The following PLCH1 variants were observed in gnomAD, a reference collection of about 807,000 sequenced individuals.
The protein encoded by PLCH1 is 1-phosphatidylinositol 4,5-bisphosphate phosphodiesterase eta-1.
In PLCH1, 60 loss-of-function variants were observed where a neutral mutation model predicts 126.7. The ratio of observed to expected loss-of-function variants is 0.47; its 90% CI spans 0.38 to 0.59. The LOEUF (loss-of-function observed/expected upper bound fraction) is 0.59. Ranked by LOEUF, PLCH1 falls within the 20% of genes least tolerant of loss-of-function variation. The pLI is 0.00. For missense variants in PLCH1, 1,723 were observed against 2,040.0 expected (o/e 0.84, Z 2.99); for synonymous variants, 719 against 734.9 (o/e 0.98, Z 0.35).
At chr3:155,525,146 C>T (rs1385311502) in intron 10 of PLCH1, among the ~76,000 whole-genome samples, 1 of 152,060 alleles carries the variant, frequency 6.6e-6, no homozygotes, top group Non-Finnish European at 1.5e-5. Flanking sequence ...ATAGTAAGAC[C>T]CCATTTCTAT....
chr3:155,721,903 C>T (rs138731195), intron 1 of PLCH1, among the ~76,000 whole-genome samples: 3,390 of 152,020 alleles, frequency 0.022, 112 homozygotes, highest in African/African-American at 0.079. Flanking sequence ...CAAAATTAGC[C>T]GGGCATGGTG....
chr3:155,614,298 C>T (rs1321425300), intron 2 of PLCH1, among the ~76,000 whole-genome samples: 1 of 151,948 alleles, frequency 6.6e-6, no homozygotes, highest in Non-Finnish European at 1.5e-5. Flanking sequence ...AAAAAAAATC[C>T]TAAAACTCAT....
At chr3:155,730,306 C>T (rs200391105) in intron 1 of PLCH1, among the ~76,000 whole-genome samples, 2 of 150,674 alleles carry the variant, frequency 1.3e-5, no homozygotes, top group East Asian at 3.9e-4. Flanking sequence ...TTTTTTGAGA[C>T]CGTCTTGCTC....
At chr3:155,615,884 CA>C (rs1240629954) in intron 2 of PLCH1, among the ~76,000 whole-genome samples, 2 of 151,998 alleles carry the variant, frequency 1.3e-5, no homozygotes, top group African/African-American at 2.4e-5. Context: ...CACATGTAAC[CA>C]AAAACCACCT....
At chr3:155,493,025 C>T (rs146487242) in intron 17 of PLCH1, among the ~76,000 whole-genome samples, 172 bp from the exon 18 acceptor site, 1 of 152,204 alleles carries the variant, frequency 6.6e-6, no homozygotes, top group Admixed American at 6.5e-5. Flanking sequence ...TTGCCAAAGG[C>T]CAGTGGAGTG....
chr3:155,729,108 A>G (rs577954618), intron 1 of PLCH1, among the ~76,000 whole-genome samples: 1 of 152,240 alleles, frequency 6.6e-6, no homozygotes, highest in African/African-American at 2.4e-5. Context: ...TCCTTCATAC[A>G]TAAGGATGTC....
intron 11 of PLCH1, among the ~76,000 whole-genome samples, chr3:155,522,117 T>C (rs1721178646): frequency 9.4e-6 from 1 of 106,580 alleles, no homozygotes; most frequent in African/African-American, 3.6e-5. Flanking sequence ...AAAAATGAAA[T>C]AGCTGAGTGA....
chr3:155,722,320 G>A (rs1296294726), intron 1 of PLCH1, among the ~76,000 whole-genome samples: 4 of 151,874 alleles, frequency 2.6e-5, no homozygotes, highest in East Asian at 2.0e-4. Flanking sequence ...GCACCACCAC[G>A]CCCAGCTAAT....
intron 2 of PLCH1, among the ~76,000 whole-genome samples, chr3:155,637,995 A>G (rs78368346): frequency 0.017 from 2,660 of 152,322 alleles, 78 homozygotes; most frequent in African/African-American, 0.06. Flanking sequence ...TTTGCACACG[A>G]TCTGCACATG....
At chr3:155,527,909 C>T (rs1373912471) in intron 10 of PLCH1, among the ~76,000 whole-genome samples, 1 of 133,362 alleles carries the variant, frequency 7.5e-6, no homozygotes, top group African/African-American at 2.9e-5. Context: ...GACAGAGTGA[C>T]ACTCCGTTTC....
chr3:155,602,824 C>A (rs181444158), intron 2 of PLCH1, among the ~76,000 whole-genome samples: 72 of 152,114 alleles, frequency 4.7e-4, no homozygotes, highest in African/African-American at 1.6e-3. Flanking sequence ...AAGCAATCTA[C>A]ACACACACAC....
At chr3:155,666,820 G>A (rs1490883513) in intron 2 of PLCH1, among the ~76,000 whole-genome samples, 1 of 152,006 alleles carries the variant, frequency 6.6e-6, no homozygotes, top group Non-Finnish European at 1.5e-5. Context: ...AGGAAGCTTA[G>A]AGAAAAAATA....
intron 4 of PLCH1, among the ~76,000 whole-genome samples, chr3:155,591,220 G>A (rs1223726689): frequency 2.0e-5 from 3 of 152,154 alleles, no homozygotes; most frequent in African/African-American, 4.8e-5. Flanking sequence ...TCTGGATTTG[G>A]TTGCTTCCCC....
intron 7 of PLCH1, among the ~76,000 whole-genome samples, chr3:155,566,800 T>A (rs367646464): frequency 6.6e-5 from 10 of 152,180 alleles, no homozygotes; most frequent in African/African-American, 2.4e-4. Context: ...AATACATGGA[T>A]GACTCACAAG....
chr3:155,477,210 G>A (rs536744108), downstream of PLCH1, among the ~76,000 whole-genome samples: 1 of 152,084 alleles, frequency 6.6e-6, no homozygotes, highest in African/African-American at 2.4e-5. Context: ...ACAAGATAAA[G>A]AAAATAGACC....
In PLCH1 at chr3:155,473,710, A is replaced by C. The variant is rs549578162; in HGVS notation, c.2938+11646T>G. 5.9e-5 allele frequency among the ~76,000 whole-genome samples: 9 copies of C among 151,968 alleles called. No homozygotes were observed. In the South Asian group the frequency reaches 1.9e-3, roughly 32 times the overall value. On this transcript the variant is annotated intron_variant, in intron 21 of 21. Transcript: ENST00000494598. ...GCTACAGTAACCAAAACAGCATGGT[A>C]CTGGTACCAAAACAGAGATATAGAT...
At chr3:155,452,616 G>A (rs1712338074) in intron 21 of PLCH1, among the ~76,000 whole-genome samples, 1 of 152,072 alleles carries the variant, frequency 6.6e-6, no homozygotes, top group Non-Finnish European at 1.5e-5. Flanking sequence ...GATCAAGTAT[G>A]GCTTGATCTG....
chr3:155,699,145 G>A (rs536037923), intron 2 of PLCH1, among the ~76,000 whole-genome samples: 13 of 150,652 alleles, frequency 8.6e-5, no homozygotes, highest in East Asian at 2.0e-4. Context: ...GCGCCATCTC[G>A]GCTCACTGCA....
chr3:155,618,471 T>C (rs1227791677), intron 2 of PLCH1, among the ~76,000 whole-genome samples: 1 of 152,202 alleles, frequency 6.6e-6, no homozygotes, highest in Non-Finnish European at 1.5e-5. Flanking sequence ...GTTTAACGTC[T>C]GGATAGACTG....
Sources: allele counts gnomAD v4.1 joint callset (sites outside exome capture counted in the v4.1 genomes callset), GRCh38; gene constraint gnomAD v4.1.1; transcripts MANE v1.5; gene names NCBI Gene and HGNC (gene_info 2026-07-23, HGNC 2026-07-21).